Variants in SHANK2 observed in about 807,000 individuals in gnomAD.
SHANK2 encodes the protein SH3 and multiple ankyrin repeat domains protein 2.
A neutral mutation model predicts 133.7 loss-of-function variants in SHANK2; 43 were observed. That is an observed-to-expected ratio of 0.32 (90% CI 0.25 to 0.41). The LOEUF is 0.41. Ranked by LOEUF, SHANK2 falls within the 10% of genes least tolerant of loss-of-function variation. The pLI is 1.00. For missense variants in SHANK2, 1,994 were observed against 2,235.8 expected, an observed-to-expected ratio of 0.89 and a Z score of 2.18; for synonymous variants, 1,017 against 952.8, an observed-to-expected ratio of 1.07 and a Z score of -1.24.
rs116805548 is a variant in SHANK2, at chr11:70,906,778, G to A, written c.1108-10211C>T. The stretch of plus-strand genomic sequence containing the variant: ...TTAATTACAGGCATCCTCCAAGCAC[G>A]GCAGGGAGTGGGCCTGGGCTCCTGG... On this transcript the variant is annotated intron_variant, in intron 10 of 25. Coordinates refer to ENST00000601538, the MANE Select transcript of SHANK2 (RefSeq NM_012309.5). 6.6e-3 allele frequency among the ~76,000 whole-genome samples: 1,000 copies of A among 152,272 alleles called. 10 individuals carry two copies. Among genetic ancestry groups the A allele is most frequent in the African/African-American group, 0.023 (950 of 41,554 alleles).
At chr11:71,170,281 C>T (rs1272976168) in intron 2 of SHANK2, among the ~76,000 whole-genome samples, 1 of 152,126 alleles carries the variant, frequency 6.6e-6, no homozygotes, top group African/African-American at 2.4e-5. Flanking sequence ...ACAGATTGTG[C>T]AAAATGCTAG....
At chr11:70,664,087 G>T (rs1944634630) in intron 15 of SHANK2, among the ~76,000 whole-genome samples, 1 of 152,194 alleles carries the variant, frequency 6.6e-6, no homozygotes, top group African/African-American at 2.4e-5. Flanking sequence ...GCAGCCCTAA[G>T]GAGGCTGAGC....
chr11:70,669,904 G>A (rs1042327404), intron 15 of SHANK2, among the ~76,000 whole-genome samples: 5 of 152,200 alleles, frequency 3.3e-5, no homozygotes, highest in Admixed American at 6.5e-5. Flanking sequence ...TATCACTCAC[G>A]GCCAAACAAG....
chr11:71,089,923 C>G (rs1951477489), intron 8 of SHANK2, among the ~76,000 whole-genome samples: 1 of 152,276 alleles, frequency 6.6e-6, no homozygotes, highest in Admixed American at 6.5e-5. Context: ...GGAACAAGGA[C>G]AGAAACACTG....
At chr11:70,744,837 G>A (rs1555035621) in intron 14 of SHANK2, among the ~76,000 whole-genome samples, 1 of 152,208 alleles carries the variant, frequency 6.6e-6, no homozygotes, top group Non-Finnish European at 1.5e-5. Context: ...GTCTCAGCTT[G>A]GTCAAGCACA....
intron 21 of SHANK2, chr11:70,496,842 G>A (rs1410991116): frequency 4.2e-5 from 17 of 403,818 alleles, no homozygotes; most frequent in East Asian, 1.5e-4. Flanking sequence ...GGTTTGCCTC[G>A]TCCAGGAGAA....
At chr11:70,838,584 G>A (rs1274707998) in intron 11 of SHANK2, among the ~76,000 whole-genome samples, 1 of 152,020 alleles carries the variant, frequency 6.6e-6, no homozygotes, top group Non-Finnish European at 1.5e-5. Flanking sequence ...GGGCCCCTCT[G>A]TGGCTCCAGC....
rs144048141 is a variant in SHANK2 at position 70,479,608 on chromosome 11, G to A, written c.4979+5706C>T. Among the ~76,000 whole-genome samples the A allele has an allele frequency of 3.7e-4, 56 of 152,320 alleles. 2 individuals are homozygous for A. The highest frequency in any genetic ancestry group is 2.4e-3 in the Admixed American group (36 of 15,312). On this transcript the variant is annotated intron_variant, in intron 25 of 25. Transcript: ENST00000601538. The surrounding 1 kb of genome is among the most constrained non-coding windows in gnomAD (Gnocchi z 4.4). ...ACCCCACCCACTGCAAAGGGCTGGC[G>A]ACCTAGAGGGGACTCTGGGGAACTC...
intron 14 of SHANK2, among the ~76,000 whole-genome samples, chr11:70,755,228 C>T (rs1274706964): frequency 6.6e-6 from 1 of 152,210 alleles, no homozygotes; most frequent in Admixed American, 6.5e-5. Context: ...GCCACCACCA[C>T]ACTCAGCTAA....
At chr11:71,103,012 G>A (rs889698403) in intron 6 of SHANK2, among the ~76,000 whole-genome samples, 2 of 152,236 alleles carry the variant, frequency 1.3e-5, no homozygotes, top group African/African-American at 2.4e-5. Flanking sequence ...TCACAAAGTG[G>A]AAGGAGCGAG....
intron 8 of SHANK2, among the ~76,000 whole-genome samples, chr11:71,086,377 T>G (rs1186272454): frequency 7.8e-6 from 1 of 128,386 alleles, no homozygotes; most frequent in East Asian, 2.2e-4. Flanking sequence ...ATGATATACA[T>G]TTATAATATA....
At chr11:70,506,072 G>C (rs1397833420) in intron 17 of SHANK2, among the ~76,000 whole-genome samples, 2 of 152,194 alleles carry the variant, frequency 1.3e-5, no homozygotes, top group African/African-American at 4.8e-5. Flanking sequence ...TTCTGGGCAG[G>C]GGAGGCAAAG....
At chr11:71,117,148 TAGC>T (rs1165882909) in intron 4 of SHANK2, among the ~76,000 whole-genome samples, 1 of 152,128 alleles carries the variant, frequency 6.6e-6, no homozygotes, top group Non-Finnish European at 1.5e-5. Flanking sequence ...GCCCCCCGAG[TAGC>T]TGGGATTACA....
At chr11:70,572,939 T>C (rs561141410) in intron 17 of SHANK2, among the ~76,000 whole-genome samples, 2 of 152,290 alleles carry the variant, frequency 1.3e-5, no homozygotes, top group East Asian at 1.9e-4. Flanking sequence ...CCAAGTCTAG[T>C]GCATGGACAT....
At chr11:70,838,306 G>T (rs570508201) in intron 11 of SHANK2, among the ~76,000 whole-genome samples, 34 of 152,322 alleles carry the variant, frequency 2.2e-4, no homozygotes, top group African/African-American at 8.2e-4. Flanking sequence ...TGGGTTGTTT[G>T]ATGCTGCTTC....
chr11:70,863,690 C>T, intron 11 of SHANK2: 2 of 421,336 alleles, frequency 4.7e-6, no homozygotes, highest in South Asian at 3.5e-5. Flanking sequence ...GGAAGAGGCA[C>T]TGGCACCCCG....
At chr11:71,095,693 G>A (rs1446261709) in intron 6 of SHANK2, among the ~76,000 whole-genome samples, 3 of 152,210 alleles carry the variant, frequency 2.0e-5, no homozygotes, top group Non-Finnish European at 2.9e-5. Flanking sequence ...AGTGTGCACT[G>A]ACTATTCCCA....
At chr11:70,606,810 C>T (rs113037158) in intron 17 of SHANK2, among the ~76,000 whole-genome samples, 22 of 152,282 alleles carry the variant, frequency 1.4e-4, no homozygotes, top group African/African-American at 4.6e-4. Flanking sequence ...TGGGTCAAAC[C>T]GCAGCAGGAA....
chr11:70,609,509 G>C (rs189716420), intron 17 of SHANK2, among the ~76,000 whole-genome samples: 197 of 152,272 alleles, frequency 1.3e-3, no homozygotes, highest in Non-Finnish European at 2.5e-3. Flanking sequence ...AGCCATGCTC[G>C]GAGCAGCCCC....
Sources: gnomAD v4.1 joint callset for allele counts (sites outside exome capture counted in the v4.1 genomes callset) on GRCh38, gnomAD v4.1.1 for gene constraint, Gnocchi (gnomAD v3.1) non-coding constraint, MANE v1.5 for transcripts, NCBI Gene and HGNC (gene_info 2026-07-23, HGNC 2026-07-21) for gene names.